TRPS1: variants seen among roughly 807,000 people sequenced by gnomAD.
TRPS1 encodes the protein zinc finger transcription factor Trps1.
TRPS1 carries 6 observed loss-of-function variants against 101.2 expected under a neutral mutation model. The ratio of observed to expected loss-of-function variants is 0.06; its 90% CI spans 0.03 to 0.12. The LOEUF is 0.12. Ranked by LOEUF, TRPS1 falls within the 10% of genes least tolerant of loss-of-function variation. The pLI is 1.00. For synonymous variants in TRPS1, 578 were observed against 589.8 expected (o/e 0.98, Z 0.29); for missense variants, 1,363 against 1,567.0 (o/e 0.87, Z 2.20).
intron 4 of TRPS1, among the ~76,000 whole-genome samples, chr8:115,595,836 A>G (rs563440463): frequency 6.6e-6 from 1 of 151,976 alleles, no homozygotes; most frequent in Admixed American, 6.6e-5. Context: ...ATGTATACAA[A>G]TAAAGGTAAT....
At chr8:115,582,742 A>G (rs1273678006) in intron 5 of TRPS1, among the ~76,000 whole-genome samples, 1 of 152,206 alleles carries the variant, frequency 6.6e-6, no homozygotes, top group African/African-American at 2.4e-5. Context: ...TCTCCGCTGA[A>G]GCCAAGTAGC....
At chr8:115,569,782 A>G (rs1817157148) in intron 5 of TRPS1, among the ~76,000 whole-genome samples, 1 of 152,078 alleles carries the variant, frequency 6.6e-6, no homozygotes, top group African/African-American at 2.4e-5. Flanking sequence ...GTATATTGGT[A>G]TGGTAAATCA....
chr8:115,458,533 C>T (rs1225249130), intron 5 of TRPS1, among the ~76,000 whole-genome samples: 1 of 152,054 alleles, frequency 6.6e-6, no homozygotes, highest in Admixed American at 6.5e-5. Flanking sequence ...TACTGATGGC[C>T]CTTTTAGTCT....
intron 5 of TRPS1, among the ~76,000 whole-genome samples, chr8:115,425,219 A>C (rs962205406): frequency 1.3e-5 from 2 of 152,210 alleles, no homozygotes; most frequent in Non-Finnish European, 2.9e-5. Context: ...ATTGTGAAGA[A>C]TCCGTTGAAA....
chr8:115,471,485 A>G (rs1329367394), intron 5 of TRPS1, among the ~76,000 whole-genome samples: 1 of 152,186 alleles, frequency 6.6e-6, no homozygotes, highest in African/African-American at 2.4e-5. Context: ...GATTATGGGA[A>G]GTATAATTCA....
intron 5 of TRPS1, among the ~76,000 whole-genome samples, chr8:115,421,283 C>A (rs1813047728): frequency 6.6e-6 from 1 of 152,182 alleles, no homozygotes; most frequent in African/African-American, 2.4e-5. Context: ...CCATGCCCCG[C>A]TACTGTGATT....
chr8:115,657,238 T>A (rs1047093328), intron 1 of TRPS1, among the ~76,000 whole-genome samples: 1 of 152,074 alleles, frequency 6.6e-6, no homozygotes, highest in Admixed American at 6.6e-5. Flanking sequence ...AAGATAGAAC[T>A]AACTTTCATA....
intron 5 of TRPS1, among the ~76,000 whole-genome samples, chr8:115,543,106 A>T (rs889450438): frequency 1.3e-5 from 2 of 149,814 alleles, no homozygotes; most frequent in Non-Finnish European, 3.0e-5. Flanking sequence ...ACAGACGGGT[A>T]AAAAAAAAAG....
intron 1 of TRPS1, among the ~76,000 whole-genome samples, chr8:115,627,926 G>A (rs775402451): frequency 6.6e-6 from 1 of 151,648 alleles, no homozygotes; most frequent in Non-Finnish European, 1.5e-5. Flanking sequence ...TAGAATGCTC[G>A]CTGTCTTCAC....
At chr8:115,434,103 T>C (rs550133018) in intron 5 of TRPS1, among the ~76,000 whole-genome samples, 1 of 7,826 alleles carries the variant, frequency 1.3e-4, no homozygotes, top group Admixed American at 2.0e-3. Flanking sequence ...GCCCAGGATA[T>C]CCATTCAGAC....
chr8:115,492,586 C>T (rs1232367122), intron 5 of TRPS1, among the ~76,000 whole-genome samples: 1 of 151,850 alleles, frequency 6.6e-6, no homozygotes, highest in Non-Finnish European at 1.5e-5. Context: ...GATGAGGAAA[C>T]TGAGGGACAG....
chr8:115,455,775 C>CTTTTTTT (rs386413741), intron 5 of TRPS1, among the ~76,000 whole-genome samples: 17 of 119,990 alleles, frequency 1.4e-4, no homozygotes, highest in Non-Finnish European at 2.4e-4. Context: ...TTCTTTCTTT[C>CTTTTTTT]TTTTTTTTTT....
chr8:115,624,922 A>G (rs1171735535), intron 1 of TRPS1, among the ~76,000 whole-genome samples: 1 of 151,724 alleles, frequency 6.6e-6, no homozygotes, highest in East Asian at 1.9e-4. Context: ...CTGTAAATTA[A>G]CCACTAGTGT....
chr8:115,480,948 C>A (rs1814737379), intron 5 of TRPS1, among the ~76,000 whole-genome samples: 1 of 151,996 alleles, frequency 6.6e-6, no homozygotes, highest in Non-Finnish European at 1.5e-5. Flanking sequence ...AGTAGGTTGA[C>A]TAGAAAATAT....
intron 5 of TRPS1, among the ~76,000 whole-genome samples, chr8:115,543,173 C>T (rs952770518): frequency 3.9e-5 from 6 of 152,098 alleles, no homozygotes; most frequent in Non-Finnish European, 8.8e-5. Context: ...TAAGTGGGCT[C>T]GCTGTTGTTA....
chr8:115,534,678 T>G (rs1244103905), intron 5 of TRPS1, among the ~76,000 whole-genome samples: 1 of 152,216 alleles, frequency 6.6e-6, no homozygotes, highest in Non-Finnish European at 1.5e-5. Context: ...TTTTTCCTTT[T>G]TGAAGATCAA....
At chr8:115,562,439 A>G (rs1816967482) in intron 5 of TRPS1, among the ~76,000 whole-genome samples, 1 of 151,938 alleles carries the variant, frequency 6.6e-6, no homozygotes, top group African/African-American at 2.4e-5. Flanking sequence ...TGGAATTATC[A>G]AGAATTGTTC....
At chr8:115,667,139 T>A (rs1273972489) in intron 1 of TRPS1, among the ~76,000 whole-genome samples, 1 of 152,176 alleles carries the variant, frequency 6.6e-6, no homozygotes, top group Non-Finnish European at 1.5e-5. Flanking sequence ...AAGCCGGTCC[T>A]AAAATTTAAT....
chr8:115,615,541 G>A (rs767341581), intron 3 of TRPS1, among the ~76,000 whole-genome samples: 5 of 152,188 alleles, frequency 3.3e-5, no homozygotes, highest in East Asian at 1.9e-4. Context: ...AGGCCGAGGC[G>A]GGTGGTCAGG....
Sources: gnomAD v4.1 joint callset for allele counts (sites outside exome capture counted in the v4.1 genomes callset) on GRCh38, gnomAD v4.1.1 for gene constraint, MANE v1.5 for transcripts, NCBI Gene and HGNC (gene_info 2026-07-23, HGNC 2026-07-21) for gene names.